FAF1: variants seen among roughly 807,000 people sequenced by gnomAD.
The protein encoded by FAF1 is FAS-associated factor 1.
A neutral mutation model predicts 92.5 loss-of-function variants in FAF1; 25 were observed. The ratio of observed to expected loss-of-function variants is 0.27; its 90% CI spans 0.20 to 0.38. The LOEUF is 0.38. FAF1 is among the 10% of genes least tolerant of loss of function. The pLI, the probability that FAF1 is intolerant of heterozygous loss-of-function variation, is 1.00. For missense variants in FAF1, 636 were observed against 793.3 expected (o/e 0.80, Z 2.38); for synonymous variants, 234 against 273.2 (o/e 0.86, Z 1.42).
chr1:50,831,982 T>C (rs1644157956), intron 2 of FAF1, among the ~76,000 whole-genome samples: 1 of 152,008 alleles, frequency 6.6e-6, no homozygotes, highest in South Asian at 2.1e-4. Context: ...GCGAGGGATC[T>C]AGGCTGTGTG....
At chr1:50,490,265 C>T (rs566848693) in intron 17 of FAF1, among the ~76,000 whole-genome samples, 1 of 152,156 alleles carries the variant, frequency 6.6e-6, no homozygotes, top group South Asian at 2.1e-4. Context: ...GAGGCTGAGG[C>T]AGGAGAATCA....
intron 18 of FAF1, among the ~76,000 whole-genome samples, chr1:50,453,347 GC>G (rs1369921716): frequency 1.4e-4 from 22 of 152,172 alleles, no homozygotes. Context: ...TGTGTGCATT[GC>G]TCTGCACGCA....
At chr1:50,758,130 C>T (rs1032723351) in intron 4 of FAF1, among the ~76,000 whole-genome samples, 1 of 152,160 alleles carries the variant, frequency 6.6e-6, no homozygotes, top group Non-Finnish European at 1.5e-5. Flanking sequence ...ATTGGCCAGG[C>T]TGGTCTCAAA....
At chr1:50,895,366 G>A (rs1309907122) in intron 1 of FAF1, among the ~76,000 whole-genome samples, 1 of 152,116 alleles carries the variant, frequency 6.6e-6, no homozygotes, top group Non-Finnish European at 1.5e-5. Context: ...GATCAAAGCT[G>A]CAATAAAAAG....
intron 18 of FAF1, among the ~76,000 whole-genome samples, chr1:50,457,151 GAAA>G (rs199757307): frequency 1.6e-5 from 2 of 128,100 alleles, no homozygotes; most frequent in African/African-American, 2.9e-5. Context: ...GAGGGAAAGT[GAAA>G]AAAAAAAAAA....
At chr1:50,493,393 A>T (rs1381873408) in intron 15 of FAF1, among the ~76,000 whole-genome samples, 1 of 152,170 alleles carries the variant, frequency 6.6e-6, no homozygotes, top group African/African-American at 2.4e-5. Context: ...TCAAATTTAG[A>T]TATCTCTTGA....
At chr1:50,672,144 C>T (rs898936397) in intron 7 of FAF1, among the ~76,000 whole-genome samples, 6 of 151,876 alleles carry the variant, frequency 4.0e-5, no homozygotes, top group Non-Finnish European at 8.8e-5. Context: ...CTCCCCGGTT[C>T]AAGGAATTCT....
chr1:50,472,413 AC>A (rs1646586496), intron 18 of FAF1, among the ~76,000 whole-genome samples: 1 of 148,750 alleles, frequency 6.7e-6, no homozygotes, highest in Non-Finnish European at 1.5e-5. Flanking sequence ...ACACACACAC[AC>A]ACACACACAA....
chr1:50,752,458 C>T (rs1450896280), intron 4 of FAF1, among the ~76,000 whole-genome samples: 1 of 152,068 alleles, frequency 6.6e-6, no homozygotes, highest in Admixed American at 6.6e-5. Flanking sequence ...ATGTAATGTA[C>T]GTAGGCGCTT....
intron 6 of FAF1, 145 bp downstream of exon 6, chr1:50,738,718 A>G: frequency 1.7e-6 from 1 of 581,974 alleles, no homozygotes. Flanking sequence ...AAACTGTTTC[A>G]AACCTGATAT....
chr1:50,870,178 C>T (rs1374772135), intron 1 of FAF1, among the ~76,000 whole-genome samples: 3 of 152,184 alleles, frequency 2.0e-5, no homozygotes, highest in Non-Finnish European at 2.9e-5. Flanking sequence ...TTGAAGGGGC[C>T]GGGCACATTG....
intron 6 of FAF1, among the ~76,000 whole-genome samples, chr1:50,729,034 C>CTATCTATATATA (rs774816134): frequency 5.7e-5 from 5 of 88,118 alleles, no homozygotes; most frequent in African/African-American, 2.5e-4. Flanking sequence ...ATCTATCTAT[C>CTATCTATATATA]TATATATATA....
intron 4 of FAF1, among the ~76,000 whole-genome samples, chr1:50,756,891 AT>A: frequency 6.6e-6 from 1 of 152,168 alleles, no homozygotes; most frequent in Non-Finnish European, 1.5e-5. Context: ...ATTACCTCCC[AT>A]CAGGTCCCTC....
intron 18 of FAF1, among the ~76,000 whole-genome samples, chr1:50,475,221 C>A (rs533259476): frequency 6.6e-6 from 1 of 152,174 alleles, no homozygotes; most frequent in Non-Finnish European, 1.5e-5. Context: ...ATAGGGAAAA[C>A]AGCTAGGAAG....
chr1:50,537,650 A>G (rs900645543), intron 14 of FAF1, among the ~76,000 whole-genome samples: 6 of 152,168 alleles, frequency 3.9e-5, no homozygotes, highest in African/African-American at 1.4e-4. Context: ...AAACATGACT[A>G]TTTTCCAAAA....
At chr1:50,936,370 G>A (rs908908493) in intron 1 of FAF1, among the ~76,000 whole-genome samples, 1 of 152,140 alleles carries the variant, frequency 6.6e-6, no homozygotes, top group Non-Finnish European at 1.5e-5. Flanking sequence ...GAAATACAGA[G>A]GAGGGAGTAA....
chr1:50,584,887 C>T, intron 9 of FAF1, 76 bp from the exon 10 acceptor site: 2 of 1,317,270 alleles, frequency 1.5e-6, no homozygotes, highest in Non-Finnish European at 2.1e-6. Context: ...ATAATAATAA[C>T]AACAGGACAT....
chr1:50,953,762 G>T (rs1371796342), intron 1 of FAF1, among the ~76,000 whole-genome samples: 1 of 151,866 alleles, frequency 6.6e-6, no homozygotes, highest in Non-Finnish European at 1.5e-5. Context: ...AGAAAGAAAA[G>T]AAAATTCATC....
chr1:50,639,470 C>A (rs1304322107), intron 8 of FAF1, among the ~76,000 whole-genome samples: 1 of 152,144 alleles, frequency 6.6e-6, no homozygotes, highest in Non-Finnish European at 1.5e-5. Flanking sequence ...ACCTTATTCA[C>A]CTGATTGTAT....
Sources: gnomAD v4.1 joint callset for allele counts (sites outside exome capture counted in the v4.1 genomes callset) on GRCh38, gnomAD v4.1.1 for gene constraint, MANE v1.5 for transcripts, NCBI Gene and HGNC (gene_info 2026-07-23, HGNC 2026-07-21) for gene names.